The following SDK1 variants were observed in gnomAD, a reference collection of about 807,000 sequenced individuals.
The protein encoded by SDK1 is sidekick cell adhesion molecule 1, also known as protein sidekick-1.
SDK1 carries 157 observed loss-of-function variants against 245.5 expected under a neutral mutation model. The observed-to-expected ratio is 0.64, with a 90% confidence interval of 0.56 to 0.73. The LOEUF is 0.73. Ranked by LOEUF, SDK1 falls within the 30% of genes least tolerant of loss-of-function variation. SDK1 has a pLI of 0.00. For missense variants in SDK1, 3,583 were observed against 3,002.3 expected, an observed-to-expected ratio of 1.19 and a Z score of -4.52; for synonymous variants, 1,647 against 1,278.5, an observed-to-expected ratio of 1.29 and a Z score of -6.15.
intron 1 of SDK1, among the ~76,000 whole-genome samples, chr7:3,395,410 T>C (rs920785199): frequency 6.6e-6 from 1 of 151,948 alleles, no homozygotes. Context: ...TTGTGAGAGA[T>C]ACTGGTTTGT....
At chr7:3,532,588 C>G (rs1783383934) in intron 1 of SDK1, among the ~76,000 whole-genome samples, 1 of 152,172 alleles carries the variant, frequency 6.6e-6, no homozygotes, top group African/African-American at 2.4e-5. Flanking sequence ...GTCTGCAAGT[C>G]TAGTGTTTTC....
chr7:3,684,064 G>T (rs924409984), intron 4 of SDK1, among the ~76,000 whole-genome samples: 2 of 152,140 alleles, frequency 1.3e-5, no homozygotes, highest in Non-Finnish European at 2.9e-5. Flanking sequence ...CTCAAGTTCC[G>T]CTGTGGGGTG....
At chr7:3,882,527 G>A (rs1002976470) in intron 5 of SDK1, among the ~76,000 whole-genome samples, 1 of 152,136 alleles carries the variant, frequency 6.6e-6, no homozygotes, top group Non-Finnish European at 1.5e-5. Flanking sequence ...ACCTCCATTT[G>A]GATTCTACTC....
chr7:3,554,119 G>A (rs902226104), intron 1 of SDK1, among the ~76,000 whole-genome samples: 5 of 152,140 alleles, frequency 3.3e-5, no homozygotes, highest in African/African-American at 1.2e-4. Flanking sequence ...CTAAATTGAC[G>A]TTTCTGGAAT....
chr7:3,657,033 C>T (rs1386672677), intron 4 of SDK1, among the ~76,000 whole-genome samples: 1 of 152,172 alleles, frequency 6.6e-6, no homozygotes, highest in Non-Finnish European at 1.5e-5. Flanking sequence ...AGGCGTGAGC[C>T]ACCGCGCCCG....
intron 1 of SDK1, among the ~76,000 whole-genome samples, chr7:3,588,987 G>T (rs984080715): frequency 6.6e-6 from 1 of 152,216 alleles, no homozygotes; most frequent in South Asian, 2.1e-4. Flanking sequence ...TTGACATGGA[G>T]CAGTGAATCA....
chr7:3,464,893 A>G (rs1228540399), intron 1 of SDK1, among the ~76,000 whole-genome samples: 1 of 152,130 alleles, frequency 6.6e-6, no homozygotes, highest in African/African-American at 2.4e-5. Flanking sequence ...GGAAACATAG[A>G]CATTTATGTG....
chr7:4,186,648 G>A (rs964214555), intron 35 of SDK1, among the ~76,000 whole-genome samples: 1 of 152,180 alleles, frequency 6.6e-6, no homozygotes, highest in Non-Finnish European at 1.5e-5. Flanking sequence ...TGAATCAGGA[G>A]GAAGGGCTGC....
At chr7:4,159,063 C>T (rs1029923869) in intron 31 of SDK1, among the ~76,000 whole-genome samples, 6 of 152,180 alleles carry the variant, frequency 3.9e-5, no homozygotes, top group East Asian at 1.9e-4. Context: ...CTCTATCAGC[C>T]GCGTCCAGCG....
At chr7:4,092,945 A>G (rs1205338990) in intron 22 of SDK1, among the ~76,000 whole-genome samples, 1 of 152,186 alleles carries the variant, frequency 6.6e-6, no homozygotes, top group East Asian at 1.9e-4. Context: ...TTTCAATTGT[A>G]TCTTCTTTGC....
intron 1 of SDK1, among the ~76,000 whole-genome samples, chr7:3,329,356 A>G (rs958780425): frequency 6.6e-6 from 1 of 152,088 alleles, no homozygotes; most frequent in African/African-American, 2.4e-5. Context: ...CTTTTTTGAA[A>G]ACAGCTTTAT....
At chr7:3,579,147 T>A (rs945389386) in intron 1 of SDK1, among the ~76,000 whole-genome samples, 1 of 151,930 alleles carries the variant, frequency 6.6e-6, no homozygotes, top group Admixed American at 6.6e-5. Flanking sequence ...ACTATTCCAA[T>A]AAATTGAGGA....
chr7:3,675,348 C>T (rs1389965398), intron 4 of SDK1, among the ~76,000 whole-genome samples: 2 of 152,208 alleles, frequency 1.3e-5, no homozygotes, highest in Non-Finnish European at 2.9e-5. Context: ...ATTATTATAA[C>T]AGCTTCTGGT....
At chr7:3,454,941 T>C (rs141110869) in intron 1 of SDK1, among the ~76,000 whole-genome samples, 1,544 of 152,348 alleles carry the variant, frequency 0.01, 19 homozygotes, top group Non-Finnish European at 0.017. Context: ...CATTTTACTA[T>C]TTCACCAGTG....
At position 3,405,788 on chromosome 7, in the gene SDK1, T is replaced by C. The variant is rs182369908; in HGVS notation, c.298+103904T>C. 8.8e-3 allele frequency among the ~76,000 whole-genome samples: 1,343 copies of C among 151,860 alleles called. 20 individuals are homozygous for C. Among genetic ancestry groups the C allele is most frequent in the African/African-American group, 0.018 (727 of 41,370 alleles). Reference sequence around the variant, plus strand: ...CTGCTTCAGTGTAGTTCTGTTGTGCTTAATTTTCTTTTCTTTTCTTTCTTT... The same window carrying C: ...CTGCTTCAGTGTAGTTCTGTTGTGCCTAATTTTCTTTTCTTTTCTTTCTTT... On this transcript the variant is annotated intron_variant, in intron 1 of 44. Transcript: ENST00000404826.
chr7:4,216,233 G>A (rs560479901), intron 38 of SDK1, among the ~76,000 whole-genome samples: 1 of 152,314 alleles, frequency 6.6e-6, no homozygotes, highest in East Asian at 1.9e-4. Flanking sequence ...GCCAAGGGCA[G>A]GGTGGTTGAC....
chr7:4,134,370 G>A (rs1042743059), intron 28 of SDK1, among the ~76,000 whole-genome samples: 27 of 152,278 alleles, frequency 1.8e-4, no homozygotes, highest in Non-Finnish European at 2.8e-4. Flanking sequence ...AGGGAGCTAT[G>A]AGCCACATCT....
At chr7:4,119,270 C>T (rs543498501) in intron 25 of SDK1, among the ~76,000 whole-genome samples, 2 of 147,898 alleles carry the variant, frequency 1.4e-5, no homozygotes, top group East Asian at 3.9e-4. Flanking sequence ...TAGCAAGACC[C>T]CATCTCTACA....
At chr7:4,155,235 C>T (rs972826272) in intron 30 of SDK1, among the ~76,000 whole-genome samples, 1 of 152,064 alleles carries the variant, frequency 6.6e-6, no homozygotes, top group Non-Finnish European at 1.5e-5. Flanking sequence ...TTAACTCCCC[C>T]AGATCCGCAT....
Sources: gnomAD v4.1 joint callset for allele counts (sites outside exome capture counted in the v4.1 genomes callset) on GRCh38, gnomAD v4.1.1 for gene constraint, MANE v1.5 for transcripts, NCBI Gene and HGNC (gene_info 2026-07-23, HGNC 2026-07-21) for gene names.